Variants in UBE2D2 observed in about 807,000 individuals in gnomAD.
UBE2D2 encodes ubiquitin-conjugating enzyme E2 D2.
UBE2D2 carries 2 observed loss-of-function variants against 24.2 expected under a neutral mutation model. That is an observed-to-expected ratio of 0.08 (90% CI 0.03 to 0.26). UBE2D2 has a LOEUF of 0.26. UBE2D2 is among the 10% of genes least tolerant of loss of function. The pLI is 1.00. For synonymous variants in UBE2D2, 58 were observed against 56.5 expected, an observed-to-expected ratio of 1.03 and a Z score of -0.12; for missense variants, 44 against 177.6, an observed-to-expected ratio of 0.25 and a Z score of 4.28.
At chr5:139,607,274 A>G (rs1325381579) in intron 2 of UBE2D2, among the ~76,000 whole-genome samples, 2 of 152,226 alleles carry the variant, frequency 1.3e-5, no homozygotes, top group African/African-American at 4.8e-5. Flanking sequence ...CAGTGTGACA[A>G]AATTCTCAAT....
At chr5:139,557,583 A>G (rs1752999531), upstream of UBE2D2, among the ~76,000 whole-genome samples, 2 of 151,970 alleles carry the variant, frequency 1.3e-5, no homozygotes, top group South Asian at 4.1e-4. Flanking sequence ...CCCTGTCTCT[A>G]CTAAAAAATA....
chr5:139,601,658 C>T (rs112512235), intron 2 of UBE2D2, among the ~76,000 whole-genome samples: 9,245 of 151,900 alleles, frequency 0.061, 402 homozygotes, highest in Non-Finnish European at 0.087. Flanking sequence ...TGCCTCTAAT[C>T]CCAGCACTTT....
At chr5:139,573,599 T>C (rs1045464309) in intron 1 of UBE2D2, among the ~76,000 whole-genome samples, 5 of 152,118 alleles carry the variant, frequency 3.3e-5, no homozygotes, top group African/African-American at 9.7e-5. Flanking sequence ...GAAAAATGCC[T>C]GTTCTTTGCT....
intron 2 of UBE2D2, among the ~76,000 whole-genome samples, chr5:139,610,794 T>C (rs945209567): frequency 6.6e-6 from 1 of 151,710 alleles, no homozygotes; most frequent in Admixed American, 6.6e-5. Context: ...GAGGTGGAGG[T>C]TGAGCTGAGG....
At position 139,587,247 on chromosome 5, in the gene UBE2D2, C is replaced by T. The variant is rs186137893; in HGVS notation, c.25-13125C>T. On this transcript the variant is annotated intron_variant, in intron 1 of 6. Transcript: ENST00000398733. ...AACAATGGCAAGCCTTTAGCCCAAT[C>T]GGGAGTGGCAATGGGTGCCTCACTG... Among the ~76,000 whole-genome samples the T allele has an allele frequency of 7.7e-3, 1,176 of 152,254 alleles. 8 individuals are homozygous for T. Among genetic ancestry groups the T allele is most frequent in the Middle Eastern group, 0.041 (12 of 294 alleles).
chr5:139,550,070 G>A (rs1017834626), intron 1 of UBE2D2, among the ~76,000 whole-genome samples: 14 of 151,240 alleles, frequency 9.3e-5, no homozygotes, highest in African/African-American at 2.9e-4. Context: ...ACCAATCAGT[G>A]CTCTGTGTCT....
intron 5 of UBE2D2, among the ~76,000 whole-genome samples, chr5:139,615,362 G>A (rs961512633): frequency 2.0e-5 from 3 of 152,150 alleles, no homozygotes; most frequent in African/African-American, 4.8e-5. Context: ...GCAGGTGCCT[G>A]TAGTCCCAGC....
chr5:139,569,878 T>C (rs143609822), intron 1 of UBE2D2, among the ~76,000 whole-genome samples: 5 of 152,250 alleles, frequency 3.3e-5, no homozygotes, highest in East Asian at 3.9e-4. Flanking sequence ...GTTCAAACAA[T>C]TGGATATTTA....
At chr5:139,625,936 A>G (rs1561523660) in intron 6 of UBE2D2, among the ~76,000 whole-genome samples, 2 of 151,374 alleles carry the variant, frequency 1.3e-5, no homozygotes, top group African/African-American at 2.4e-5. Flanking sequence ...AGAATTATAG[A>G]ATCATTTGCT....
At chr5:139,563,759 C>G (rs963122260) in intron 1 of UBE2D2, among the ~76,000 whole-genome samples, 5 of 152,000 alleles carry the variant, frequency 3.3e-5, no homozygotes, top group African/African-American at 1.2e-4. Context: ...GGTGAAACCC[C>G]GTCTCTGCTA....
chr5:139,559,080 C>T (rs1753016868), upstream of UBE2D2, among the ~76,000 whole-genome samples: 1 of 151,966 alleles, frequency 6.6e-6, no homozygotes, highest in Admixed American at 6.6e-5. Context: ...AGATTACAGG[C>T]GTGTCCAGGA....
upstream of UBE2D2, among the ~76,000 whole-genome samples, chr5:139,559,182 T>G (rs1020848518): frequency 2.0e-5 from 3 of 152,000 alleles, no homozygotes; most frequent in African/African-American, 7.2e-5. Context: ...ATCCCAGCAC[T>G]TTGGGAGGCC....
chr5:139,581,839 T>C (rs1753610486), intron 1 of UBE2D2, among the ~76,000 whole-genome samples: 2 of 152,052 alleles, frequency 1.3e-5, no homozygotes, highest in Non-Finnish European at 2.9e-5. Flanking sequence ...TGGGTAGTTT[T>C]TGTATTTTTA....
Position 139,565,433 on chromosome 5 carries a change from C to T in UBE2D2, c.24+3618C>T, listed in dbSNP as rs10070662. Among the ~76,000 whole-genome samples the T allele has an allele frequency of 3.9e-3, 600 of 152,272 alleles. 2 individuals carry two copies. The highest frequency in any genetic ancestry group is 0.014 in the African/African-American group (570 of 41,554). ...GATCCTTTGGGATTGTTGGTATCTA[C>T]ACCACATGGCCCCACCCTGCTATGT... On this transcript the variant is annotated intron_variant, in intron 1 of 6. Transcript: ENST00000398733.
chr5:139,535,564 G>A (rs1480308695), intron 1 of UBE2D2, among the ~76,000 whole-genome samples: 1 of 151,914 alleles, frequency 6.6e-6, no homozygotes, highest in Admixed American at 6.6e-5. Flanking sequence ...AGGAGGCAGA[G>A]GTTGCAGTGA....
chr5:139,592,227 G>T (rs1195009619), intron 1 of UBE2D2, among the ~76,000 whole-genome samples: 1 of 151,956 alleles, frequency 6.6e-6, no homozygotes, highest in Non-Finnish European at 1.5e-5. Flanking sequence ...GGAAAAAAAT[G>T]AAAACCTGGA....
chr5:139,550,573 T>C (rs553158838), intron 1 of UBE2D2, among the ~76,000 whole-genome samples: 2 of 152,058 alleles, frequency 1.3e-5, no homozygotes, highest in African/African-American at 4.8e-5. Flanking sequence ...GCTCACGCTA[T>C]GGGAGTTTTG....
chr5:139,627,230 G>T lies in UBE2D2; in HGVS notation c.*429G>T. 1 of 156,996 alleles carries T rather than the reference G, an allele frequency of 6.4e-6. No homozygotes were observed. Among genetic ancestry groups the T allele is most frequent in the Non-Finnish European group, 1.4e-5 (1 of 70,964 alleles). 9.7% of individuals were successfully genotyped at this position (156,996 alleles called of 1,614,324 possible). A position where few individuals can be genotyped will look rare whatever the true frequency, so the allele number is the denominator to read the frequency against. ...TCAAAACAGTTATGAAAAGCAAGGT[G>T]AAGAACATGAAGCTGTGTCTGTATT... On this transcript the variant is annotated 3_prime_UTR_variant, in exon 7 of 7. Transcript: ENST00000398733.
chr5:139,582,585 G>A (rs1016987589), intron 1 of UBE2D2, among the ~76,000 whole-genome samples: 5 of 151,634 alleles, frequency 3.3e-5, no homozygotes, highest in Admixed American at 1.3e-4. Context: ...TACCACATGC[G>A]ACCAGGTGTG....
Sources: gnomAD v4.1 joint callset for allele counts (sites outside exome capture counted in the v4.1 genomes callset) on GRCh38, gnomAD v4.1.1 for gene constraint, MANE v1.5 for transcripts, NCBI Gene and HGNC (gene_info 2026-07-23, HGNC 2026-07-21) for gene names.